Variants in PLCB4 observed in about 807,000 individuals in gnomAD.
PLCB4 encodes 1-phosphatidylinositol 4,5-bisphosphate phosphodiesterase beta-4.
Under a neutral mutation model 178.8 loss-of-function variants are expected in PLCB4, and 77 were observed. The observed-to-expected ratio is 0.43, with a 90% CI of 0.36 to 0.52. PLCB4 has a LOEUF of 0.52. Among genes scored for constraint, PLCB4 ranks in the 20% least tolerant of loss-of-function variants. The pLI, the probability that PLCB4 is intolerant of heterozygous loss-of-function variation, is 0.00. For missense variants in PLCB4, 1,024 were observed against 1,453.4 expected, an observed-to-expected ratio of 0.70 and a Z score of 4.80; for synonymous variants, 496 against 490.8, an observed-to-expected ratio of 1.01 and a Z score of -0.14.
At chr20:9,088,792 G>C (rs907518117) in intron 1 of PLCB4, among the ~76,000 whole-genome samples, 24 of 152,050 alleles carry the variant, frequency 1.6e-4, no homozygotes, top group African/African-American at 5.6e-4. Context: ...GGATTGACAG[G>C]CACTTCTGCT....
At chr20:9,473,128 A>T in intron 37 of PLCB4, 151 bp from the exon 38 acceptor site, 1 of 548,212 alleles carries the variant, frequency 1.8e-6, no homozygotes, top group East Asian at 3.1e-5. Context: ...AGAAATAATT[A>T]TGAGTTTAAA....
At chr20:9,386,245 C>T (rs73600230) in intron 14 of PLCB4, among the ~76,000 whole-genome samples, 8,492 of 138,262 alleles carry the variant, frequency 0.061, 535 homozygotes, top group East Asian at 0.25. Context: ...GGAGGGAGAC[C>T]GAAGAAAGGA....
chr20:9,369,309 A>G (rs2036043515), intron 9 of PLCB4, among the ~76,000 whole-genome samples: 1 of 152,218 alleles, frequency 6.6e-6, no homozygotes, highest in Non-Finnish European at 1.5e-5. Context: ...TGTTCTCCTG[A>G]GAGCAAATGC....
chr20:9,314,409 G>T (rs1045934955), intron 4 of PLCB4, among the ~76,000 whole-genome samples: 2 of 152,108 alleles, frequency 1.3e-5, no homozygotes, highest in African/African-American at 4.8e-5. Flanking sequence ...TTTGAGTGTA[G>T]GAATAAATGA....
At chr20:9,084,356 A>G (rs1417830160) in intron 1 of PLCB4, among the ~76,000 whole-genome samples, 1 of 152,186 alleles carries the variant, frequency 6.6e-6, no homozygotes, top group Non-Finnish European at 1.5e-5. Flanking sequence ...AGTAATGTGT[A>G]TTTGTTGAAT....
At chr20:9,105,641 C>T (rs563599627) in intron 2 of PLCB4, among the ~76,000 whole-genome samples, 40 of 152,030 alleles carry the variant, frequency 2.6e-4, no homozygotes, top group African/African-American at 7.9e-4. Context: ...TATTAAAGAA[C>T]CTTGTTTTAC....
At chr20:9,081,480 C>G (rs1293521704) in intron 1 of PLCB4, among the ~76,000 whole-genome samples, 1 of 152,108 alleles carries the variant, frequency 6.6e-6, no homozygotes, top group African/African-American at 2.4e-5. Flanking sequence ...GCACTCAATC[C>G]CCTTCTTCAA....
chr20:9,378,719 C>A (rs1230344223), intron 12 of PLCB4, among the ~76,000 whole-genome samples: 3 of 152,110 alleles, frequency 2.0e-5, no homozygotes, highest in African/African-American at 4.8e-5. Flanking sequence ...ACAACAGAAG[C>A]ATGCTTCATT....
intron 28 of PLCB4, among the ~76,000 whole-genome samples, chr20:9,427,893 CTTTGT>C (rs1160174279): frequency 6.6e-6 from 1 of 152,166 alleles, no homozygotes; most frequent in Middle Eastern, 3.2e-3. Flanking sequence ...CCTCCCAGCG[CTTTGT>C]TCCTCGGGCA....
chr20:9,421,954 T>C (rs551265437), intron 27 of PLCB4, among the ~76,000 whole-genome samples: 1 of 152,224 alleles, frequency 6.6e-6, no homozygotes, highest in Non-Finnish European at 1.5e-5. Context: ...GTTAGTGTTT[T>C]ATTTTTTTCT....
At chr20:9,251,661 G>C (rs754440523) in intron 3 of PLCB4, among the ~76,000 whole-genome samples, 1 of 152,060 alleles carries the variant, frequency 6.6e-6, no homozygotes, top group Non-Finnish European at 1.5e-5. Flanking sequence ...TTCTTGCTCA[G>C]AAGGTCACTT....
At chr20:9,205,893 G>T (rs1453787766) in intron 2 of PLCB4, among the ~76,000 whole-genome samples, 3 of 152,160 alleles carry the variant, frequency 2.0e-5, no homozygotes, top group African/African-American at 7.2e-5. Context: ...ATGAGGTTTT[G>T]TCACTCAGCA....
intron 2 of PLCB4, among the ~76,000 whole-genome samples, chr20:9,212,944 A>T (rs1428790985): frequency 6.6e-6 from 1 of 152,056 alleles, no homozygotes; most frequent in African/African-American, 2.4e-5. Context: ...GCATTGTGCA[A>T]CTATCAACAC....
chr20:9,151,531 T>C (rs2092691337), intron 2 of PLCB4, among the ~76,000 whole-genome samples: 1 of 152,176 alleles, frequency 6.6e-6, no homozygotes, highest in South Asian at 2.1e-4. Context: ...ATCAGGGGTT[T>C]CCACTTTTGC....
chr20:9,280,080 A>G (rs1471379405), intron 3 of PLCB4, among the ~76,000 whole-genome samples: 3 of 152,050 alleles, frequency 2.0e-5, no homozygotes, highest in Non-Finnish European at 4.4e-5. Flanking sequence ...GGCACTTGTA[A>G]TAAGCCAAGA....
At chr20:9,101,034 A>G (rs983028717) in intron 2 of PLCB4, among the ~76,000 whole-genome samples, 1 of 152,086 alleles carries the variant, frequency 6.6e-6, no homozygotes, top group African/African-American at 2.4e-5. Context: ...TTTCATGATA[A>G]TTGGTCAGAG....
chr20:9,469,126 A>T (rs2044005398), intron 36 of PLCB4, among the ~76,000 whole-genome samples: 1 of 152,076 alleles, frequency 6.6e-6, no homozygotes, highest in Non-Finnish European at 1.5e-5. Context: ...GATTACAGGC[A>T]TGCACCACCA....
intron 4 of PLCB4, among the ~76,000 whole-genome samples, chr20:9,320,571 C>T (rs998912637): frequency 6.6e-6 from 1 of 152,150 alleles, no homozygotes; most frequent in Non-Finnish European, 1.5e-5. Flanking sequence ...CAGCCCTGTT[C>T]AAGATGGAGT....
chr20:9,357,734 C>G (rs1421107546), intron 7 of PLCB4, among the ~76,000 whole-genome samples: 1 of 152,134 alleles, frequency 6.6e-6, no homozygotes, highest in Admixed American at 6.5e-5. Context: ...TAGAAAGCTG[C>G]CACTGAATCT....
Sources: gnomAD v4.1 joint callset for allele counts (sites outside exome capture counted in the v4.1 genomes callset) on GRCh38, gnomAD v4.1.1 for gene constraint, MANE v1.5 for transcripts, NCBI Gene and HGNC (gene_info 2026-07-23, HGNC 2026-07-21) for gene names.